The following ANKRD26 variants were observed in gnomAD, a reference collection of about 807,000 sequenced individuals.
ANKRD26 encodes the protein ankyrin repeat domain-containing protein 26.
ANKRD26 carries 141 observed loss-of-function variants against 208.7 expected under a neutral mutation model. The observed-to-expected ratio is 0.68, with a 90% confidence interval of 0.59 to 0.78. The LOEUF is 0.78. Among genes scored for constraint, ANKRD26 ranks in the 30% least tolerant of loss-of-function variants. The pLI is 0.00. For synonymous variants in ANKRD26, 636 were observed against 660.4 expected, an observed-to-expected ratio of 0.96 and a Z score of 0.57; for missense variants, 1,889 against 1,938.7, an observed-to-expected ratio of 0.97 and a Z score of 0.48.
chr10:27,054,098 C>T (rs1316276090), intron 15 of ANKRD26, among the ~76,000 whole-genome samples: 1 of 152,168 alleles, frequency 6.6e-6, no homozygotes, highest in Non-Finnish European at 1.5e-5. Context: ...TTCCTTGGGG[C>T]TGCCTTAGTA....
chr10:27,010,802 C>T (rs1218744522), intron 32 of ANKRD26, among the ~76,000 whole-genome samples: 1 of 151,918 alleles, frequency 6.6e-6, no homozygotes, highest in Admixed American at 6.6e-5. Flanking sequence ...ACCATTGCAC[C>T]CGGCCTACAC....
chr10:26,990,140 G>T (rs1337382571), downstream of ANKRD26, among the ~76,000 whole-genome samples: 1 of 152,122 alleles, frequency 6.6e-6, no homozygotes, highest in African/African-American at 2.4e-5. Context: ...GCACTAATAT[G>T]GGCATCTCAG....
At chr10:27,077,836 C>A in intron 7 of ANKRD26, 143 bp from the exon 8 acceptor site, 1 of 742,968 alleles carries the variant, frequency 1.3e-6, no homozygotes, top group South Asian at 1.7e-5. Context: ...AGATTTAAAC[C>A]TCAGTTCTGC....
chr10:27,075,792 AAT>A (rs959942737), intron 9 of ANKRD26, among the ~76,000 whole-genome samples: 4 of 152,234 alleles, frequency 2.6e-5, no homozygotes, highest in Admixed American at 2.6e-4. Context: ...AGAACTGCAG[AAT>A]ATACATGCTT....
chr10:26,985,995 AGCTGGAGGCATCAC>A (rs1311674951), intron 3 of ANKRD26, among the ~76,000 whole-genome samples: 23 of 152,314 alleles, frequency 1.5e-4, no homozygotes, highest in African/African-American at 5.5e-4. Context: ...AAAAGAACAA[AGCTGGAGGCATCAC>A]GCTACCTGAC....
rs368301579 is a variant in ANKRD26 at position 27,029,370 on chromosome 10, T to TAA, written c.3808-16_3808-15dup. ...TGCTTCTTGCAACTAAAACAAAGAA[T>TAA]AAAAAAAACCCACTTTACTAATAAT... On this transcript the variant is annotated splice_polypyrimidine_tract_variant and intron_variant, in intron 25 of 33. Transcript: ENST00000376087. 6.2e-7 allele frequency: 1 copy of TAA among 1,606,980 alleles called. No homozygotes were observed. The highest frequency in any genetic ancestry group is 1.1e-5 in the South Asian group (1 of 90,060).
In ANKRD26 at chr10:27,093,812, C is replaced by T; in HGVS notation, c.243-13G>A. The stretch of plus-strand genomic sequence containing the variant: ...ATGTAGAGCCGTCCTATGAGAGTGA[C>T]AGGACTTTTTATAAACTGTAGTGCA... On this transcript the variant is annotated splice_polypyrimidine_tract_variant and intron_variant, in intron 1 of 33. Transcript: ENST00000376087. The T allele has an allele frequency of 6.3e-7, 1 of 1,592,934 alleles. No individual in the cohort carries two copies. The highest frequency in any genetic ancestry group is 1.7e-4 in the Middle Eastern group (1 of 6,010).
At chr10:27,015,043 T>TGGTAAC (rs2053243825) in intron 30 of ANKRD26, among the ~76,000 whole-genome samples, 1 of 152,168 alleles carries the variant, frequency 6.6e-6, no homozygotes, top group South Asian at 2.1e-4. Flanking sequence ...AAATTATAAT[T>TGGTAAC]GGTAACATAA....
intron 30 of ANKRD26, among the ~76,000 whole-genome samples, chr10:27,016,983 T>C (rs1291761713): frequency 1.3e-5 from 2 of 151,992 alleles, no homozygotes; most frequent in African/African-American, 2.4e-5. Flanking sequence ...AAGCCAAGAG[T>C]TCGAGACCAG....
At chr10:27,050,077 G>A (rs1382732630) in intron 16 of ANKRD26, among the ~76,000 whole-genome samples, 4 of 151,700 alleles carry the variant, frequency 2.6e-5, no homozygotes, top group South Asian at 2.1e-4. Flanking sequence ...AAAATTAGCC[G>A]GGTGTGGTGG....
intron 5 of ANKRD26, among the ~76,000 whole-genome samples, chr10:26,994,168 C>T (rs777616797): frequency 6.6e-6 from 1 of 152,110 alleles, no homozygotes; most frequent in African/African-American, 2.4e-5. Context: ...GTGTGAAGAT[C>T]CTCTAAATTT....
rs767011738 is a variant in ANKRD26, at chr10:27,082,781, T to C, written c.740+22A>G. ...TCTCTGTATTCCTTTAAATATATTT[T>C]TAAAAATCTGTAAAATACTACCTGC... On this transcript the variant is annotated intron_variant, in intron 6 of 33. Coordinates refer to ENST00000376087, the MANE Select transcript of ANKRD26 (RefSeq NM_014915.3). 9 of 1,567,756 alleles carry C rather than the reference T, an allele frequency of 5.7e-6. No homozygotes were observed. In the African/African-American group the frequency reaches 1.1e-4, roughly 19 times the overall value.
intron 1 of ANKRD26, among the ~76,000 whole-genome samples, chr10:27,096,041 A>G (rs1188858343): frequency 1.3e-5 from 2 of 152,158 alleles, no homozygotes; most frequent in African/African-American, 2.4e-5. Context: ...ATAAACATCC[A>G]AACATTCTTT....
chr10:26,998,730 C>T (rs1246879150), intron 4 of ANKRD26, among the ~76,000 whole-genome samples: 1 of 152,204 alleles, frequency 6.6e-6, no homozygotes, highest in African/African-American at 2.4e-5. Flanking sequence ...AGAGATGTCC[C>T]TATAGGGTCC....
chr10:27,096,323 A>G (rs748385407), intron 1 of ANKRD26, among the ~76,000 whole-genome samples: 2 of 151,010 alleles, frequency 1.3e-5, no homozygotes, highest in Non-Finnish European at 2.9e-5. Context: ...TGCAAGACTG[A>G]AATAGTTTAG....
rs779946717 is a variant in ANKRD26 at position 27,064,010 on chromosome 10, AT to A, written c.1340del (p.Asn447IlefsTer2). On this transcript the variant is annotated frameshift_variant, in exon 12 of 34. Transcript: ENST00000376087. LOFTEE classifies it high-confidence loss of function. Reference sequence around the variant, plus strand: ...TACCTTCTGCTTGTTCATTTCCTATATTTTTTTCTTTTCCGTCTGCAGCCCC... The same window carrying A: ...TACCTTCTGCTTGTTCATTTCCTATATTTTTTCTTTTCCGTCTGCAGCCCC... Reference protein sequence around the residue: ...LAGAADGKEKNIGNEQAEDVF... With the variant: ...LAGAADGKEKXIGNEQAEDVF... 1.2e-6 allele frequency: 2 copies of A among 1,609,854 alleles called. No homozygotes were observed. Among genetic ancestry groups the A allele is most frequent in the East Asian group, 2.2e-5 (1 of 44,776 alleles).
chr10:26,956,773 C>T, the ANKRD26 span, among the ~76,000 whole-genome samples: 720 of 152,216 alleles, frequency 4.7e-3, 3 homozygotes, highest in South Asian at 0.017. Context: ...GATATGGAGG[C>T]CACCAGGTAA....
chr10:27,009,326 C>T (rs184231097), intron 32 of ANKRD26, among the ~76,000 whole-genome samples: 98 of 152,286 alleles, frequency 6.4e-4, no homozygotes, highest in Admixed American at 4.1e-3. Context: ...TGGTTTTGTC[C>T]TGGTTGGTGG....
At chr10:26,999,280 G>A (rs541261132), downstream of ANKRD26, among the ~76,000 whole-genome samples, 13 of 152,154 alleles carry the variant, frequency 8.5e-5, no homozygotes, top group African/African-American at 4.8e-5. Flanking sequence ...ATGACAATTC[G>A]CCATAAGCAT....
Sources: gnomAD v4.1 joint callset for allele counts (sites outside exome capture counted in the v4.1 genomes callset) on GRCh38, gnomAD v4.1.1 for gene constraint, MANE v1.5 for transcripts, NCBI Gene and HGNC (gene_info 2026-07-23, HGNC 2026-07-21) for gene names.